FERMT1: variants seen among roughly 807,000 people sequenced by gnomAD.
FERMT1 encodes FERM domain containing kindlin 1.
Under a neutral mutation model 85.3 loss-of-function variants are expected in FERMT1, and 60 were observed. The observed-to-expected ratio is 0.70, with a 90% CI of 0.57 to 0.87. The LOEUF (loss-of-function observed/expected upper bound fraction) is 0.87, where lower values mean the gene tolerates loss of function less well. Among genes scored for constraint, FERMT1 ranks in the 40% least tolerant of loss-of-function variants. FERMT1 has a pLI of 0.00. For synonymous variants in FERMT1, 275 were observed against 301.1 expected, an observed-to-expected ratio of 0.91 and a Z score of 0.90; for missense variants, 701 against 818.9, an observed-to-expected ratio of 0.86 and a Z score of 1.76.
intron 6 of FERMT1, among the ~76,000 whole-genome samples, chr20:6,101,935 C>G (rs1285962925): frequency 6.6e-6 from 1 of 152,174 alleles, no homozygotes; most frequent in Non-Finnish European, 1.5e-5. Flanking sequence ...GGATTACAGG[C>G]GTGAGCCACT....
At chr20:6,089,931 T>C (rs986976256) in intron 9 of FERMT1, among the ~76,000 whole-genome samples, 3 of 152,076 alleles carry the variant, frequency 2.0e-5, no homozygotes, top group Admixed American at 1.3e-4. Flanking sequence ...AAATTATTAG[T>C]ATGCGGTTTG....
intron 6 of FERMT1, among the ~76,000 whole-genome samples, chr20:6,098,313 A>G (rs1180283067): frequency 6.6e-6 from 1 of 152,238 alleles, no homozygotes; most frequent in East Asian, 1.9e-4. Flanking sequence ...AATCCCAAGC[A>G]GAATCCGATA....
At chr20:6,099,478 T>G (rs1982598145) in intron 6 of FERMT1, among the ~76,000 whole-genome samples, 1 of 150,430 alleles carries the variant, frequency 6.6e-6, no homozygotes, top group Non-Finnish European at 1.5e-5. Context: ...CTATGCTAAG[T>G]GAAATAAGCC....
At chr20:6,101,950 C>T (rs1247107999) in intron 6 of FERMT1, among the ~76,000 whole-genome samples, 1 of 152,186 alleles carries the variant, frequency 6.6e-6, no homozygotes, top group Non-Finnish European at 1.5e-5. Context: ...GCCACTGTGC[C>T]CGCCCTATGT....
At chr20:6,116,500 A>G (rs1342955077) in intron 2 of FERMT1, among the ~76,000 whole-genome samples, 1 of 152,134 alleles carries the variant, frequency 6.6e-6, no homozygotes, top group Non-Finnish European at 1.5e-5. Flanking sequence ...AGGCTGATGC[A>G]AGCGATCACC....
At chr20:6,094,090 G>A (rs143069251) in intron 9 of FERMT1, 1 of 152,186 alleles carries the variant, frequency 6.6e-6, no homozygotes, top group African/African-American at 2.4e-5. Context: ...ACACTTGTTT[G>A]TCATTTATAC....
chr20:6,110,033 T>C (rs2123140254), intron 5 of FERMT1, among the ~76,000 whole-genome samples: 1 of 152,256 alleles, frequency 6.6e-6, no homozygotes, highest in African/African-American at 2.4e-5. Flanking sequence ...CCACAAAATA[T>C]ACTTTGCATA....
intron 9 of FERMT1, among the ~76,000 whole-genome samples, chr20:6,094,643 C>T (rs1357674050): frequency 2.6e-5 from 4 of 152,168 alleles, no homozygotes; most frequent in African/African-American, 9.7e-5. Context: ...AGGTACCACG[C>T]TCAGTGCTTC....
intron 6 of FERMT1, among the ~76,000 whole-genome samples, chr20:6,102,282 C>T (rs999500950): frequency 5.3e-5 from 8 of 152,204 alleles, no homozygotes; most frequent in African/African-American, 1.9e-4. Context: ...ATACCCCCAC[C>T]CCGAGAACTC....
intron 9 of FERMT1, among the ~76,000 whole-genome samples, chr20:6,091,900 A>G (rs1982380301): frequency 6.6e-6 from 1 of 151,850 alleles, no homozygotes; most frequent in East Asian, 1.9e-4. Context: ...GACGTGCATA[A>G]GAACGAGCGA....
At chr20:6,095,982 G>A (rs1014081574) in intron 8 of FERMT1, among the ~76,000 whole-genome samples, 4 of 152,200 alleles carry the variant, frequency 2.6e-5, no homozygotes, top group South Asian at 2.1e-4. Context: ...AAACAAAAGT[G>A]TGGCACCTCA....
At chr20:6,099,263 C>T (rs1982589365) in intron 6 of FERMT1, among the ~76,000 whole-genome samples, 1 of 151,884 alleles carries the variant, frequency 6.6e-6, no homozygotes, top group Admixed American at 6.6e-5. Context: ...ATTAGCCAGG[C>T]ATGGTGGCAG....
At chr20:6,096,763 C>G (rs1055178111) in intron 8 of FERMT1, 139 bp downstream of exon 8, 1 of 959,398 alleles carries the variant, frequency 1.0e-6, no homozygotes, top group East Asian at 2.6e-5. Flanking sequence ...TAGGTTGAAG[C>G]TTGTTAGGTG....
At position 6,112,362 on chromosome 20, in the gene FERMT1, C is replaced by T. The variant is rs1290287604; in HGVS notation, c.532+115G>A. On this transcript the variant is annotated intron_variant, in intron 4 of 14. Coordinates refer to ENST00000217289, the MANE Select transcript of FERMT1 (RefSeq NM_017671.5). ...TTGACTAGATAGCCTTTCCTCATCA[C>T]ATCAGTTCTGCAATTTTATTTCTCC... 5 of 1,063,428 alleles carry T rather than the reference C, an allele frequency of 4.7e-6. No homozygotes were observed. In the Admixed American group the frequency reaches 5.4e-5, roughly 11 times the overall value. 65.9% of individuals were successfully genotyped at this position (1,063,428 alleles called of 1,614,324 possible).
intron 8 of FERMT1, among the ~76,000 whole-genome samples, chr20:6,095,747 A>T (rs541421632): frequency 2.0e-5 from 3 of 152,362 alleles, no homozygotes; most frequent in African/African-American, 7.2e-5. Context: ...AACGTGACAC[A>T]GGGCCCTGCA....
In FERMT1 at chr20:6,078,650, T is replaced by TTG. The variant is rs1555798773; in HGVS notation, c.1860+785_1860+786insCA. The stretch of plus-strand genomic sequence containing the variant: ...AGTTCAGCGTTTTTTTTTTTTGTTT[T>TTG]TTTTTTTTTTAATTTTCTGTGGAGA... On this transcript the variant is annotated intron_variant, in intron 14 of 14. Coordinates refer to ENST00000217289, the MANE Select transcript of FERMT1 (RefSeq NM_017671.5). Among the ~76,000 whole-genome samples the TTG allele has an allele frequency of 3.7e-3, 522 of 141,176 alleles. 4 individuals are homozygous for TTG. The highest frequency in any genetic ancestry group is 0.013 in the African/African-American group (500 of 39,810). 92.6% of individuals were successfully genotyped at this position (141,176 alleles called of 152,430 possible).
In FERMT1 at chr20:6,107,546, C is replaced by A; in HGVS notation, c.835G>T (p.Asp279Tyr). Residue 279 changes from aspartate to tyrosine, a missense_variant, in exon 6 of 15, where the codon GAC (aspartate) becomes TAC (tyrosine). By Grantham distance (160) the Asp-to-Tyr change is radical. Transcript: ENST00000217289. ...LLRFKYYSFF[D>Y]LNPKYDAVRI... Reference sequence around the variant, plus strand: ...AAGTTGCTTACTTTAGGATTCAAGTCGAAGAAAGAATAATATTTAAATCGT... The same window carrying A: ...AAGTTGCTTACTTTAGGATTCAAGTAGAAGAAAGAATAATATTTAAATCGT... 6.2e-7 allele frequency: 1 copy of A among 1,607,652 alleles called. No homozygotes were observed. The highest frequency in any genetic ancestry group is 1.1e-5 in the South Asian group (1 of 90,764).
chr20:6,096,801 TCA>T, intron 8 of FERMT1, 99 bp downstream of exon 8: 14 of 925,408 alleles, frequency 1.5e-5, no homozygotes, highest in South Asian at 6.0e-5. Context: ...TTTTTTTTTT[TCA>T]AAATCAGATG....
rs1346933197 is a variant in FERMT1, at chr20:6,110,346, T to C, written c.698A>G (p.Asp233Gly). 1.2e-6 allele frequency: 2 copies of C among 1,613,668 alleles called. No homozygotes were observed. Among genetic ancestry groups the C allele is most frequent in the South Asian group, 1.1e-5 (1 of 91,050 alleles). Residue 233 changes from aspartate (D) to glycine (G), a missense_variant, in exon 5 of 15, where the codon GAT (aspartate) becomes GGT (glycine). Asp to Gly is a moderately conservative substitution (Grantham distance 94). Transcript: ENST00000217289. The stretch of plus-strand genomic sequence containing the variant: ...AACCAGAGACCGAGGCTGGTACATA[T>C]CCGCAAGTGCTTCTGGGGACTGGGG... ...QPPQSPEALA[D>G]MYQPRSLVDK...
Sources: allele counts gnomAD v4.1 joint callset (sites outside exome capture counted in the v4.1 genomes callset), GRCh38; gene constraint gnomAD v4.1.1; transcripts MANE v1.5; gene names NCBI Gene and HGNC (gene_info 2026-07-23, HGNC 2026-07-21).